GRIN2B: variants seen among roughly 807,000 people sequenced by gnomAD.
GRIN2B encodes glutamate ionotropic receptor NMDA type subunit 2B.
GRIN2B carries 5 observed loss-of-function variants against 114.5 expected under a neutral mutation model. The ratio of observed to expected loss-of-function variants is 0.04; its 90% CI spans 0.02 to 0.09. The LOEUF (loss-of-function observed/expected upper bound fraction) is 0.09, where lower values mean the gene tolerates loss of function less well. Ranked by LOEUF, GRIN2B falls within the 10% of genes least tolerant of loss-of-function variation. GRIN2B has a pLI of 1.00. For missense variants in GRIN2B, 1,108 were observed against 1,943.5 expected, an observed-to-expected ratio of 0.57 and a Z score of 8.08; for synonymous variants, 787 against 745.1, an observed-to-expected ratio of 1.06 and a Z score of -0.92.
At chr12:13,875,292 G>T (rs1409504214) in intron 2 of GRIN2B, among the ~76,000 whole-genome samples, 3 of 152,334 alleles carry the variant, frequency 2.0e-5, no homozygotes, top group East Asian at 3.9e-4. Context: ...ACTGTGAGAG[G>T]CCAAGGTGGG....
chr12:13,917,387 A>C (rs1341198073), intron 2 of GRIN2B, among the ~76,000 whole-genome samples: 1 of 152,276 alleles, frequency 6.6e-6, no homozygotes, highest in South Asian at 2.1e-4. Context: ...CAAAACTTCC[A>C]GTGGGAGCTG....
intron 3 of GRIN2B, among the ~76,000 whole-genome samples, chr12:13,807,836 G>A (rs1864637262): frequency 6.7e-6 from 1 of 149,508 alleles, no homozygotes; most frequent in Non-Finnish European, 1.5e-5. Context: ...CCGTCTCACA[G>A]AGCAGGACTG....
intron 3 of GRIN2B, among the ~76,000 whole-genome samples, chr12:13,863,787 C>T (rs1865784520): frequency 6.6e-6 from 1 of 152,126 alleles, no homozygotes; most frequent in Non-Finnish European, 1.5e-5. Context: ...TTAGGCATAA[C>T]TTTTTCTACC....
chr12:13,864,885 T>C (rs913934560), intron 3 of GRIN2B, among the ~76,000 whole-genome samples: 1 of 152,042 alleles, frequency 6.6e-6, no homozygotes, highest in Admixed American at 6.6e-5. Context: ...TCCCGAGGGG[T>C]GGGACTCAGG....
At chr12:13,568,407 A>AT (rs1163651271) in intron 12 of GRIN2B, among the ~76,000 whole-genome samples, 1 of 152,196 alleles carries the variant, frequency 6.6e-6, no homozygotes, top group African/African-American at 2.4e-5. Flanking sequence ...TTTGCAAATC[A>AT]TCTCTTTCTC....
Position 13,943,976 on chromosome 12 carries a change from G to A in GRIN2B, c.-19+35952C>T, listed in dbSNP as rs115426177. ...ATGGCACATAGTAGACGCTCAATAA[G>A]TATCTACTGAATTAATGAATAAATA... On this transcript the variant is annotated intron_variant, in intron 2 of 13. Coordinates refer to ENST00000609686, the MANE Select transcript of GRIN2B (RefSeq NM_000834.5). Among the ~76,000 whole-genome samples, 1,113 of 152,216 alleles carry A rather than the reference G, an allele frequency of 7.3e-3. 16 individuals are homozygous for A. The highest frequency in any genetic ancestry group is 0.026 in the African/African-American group (1,073 of 41,530).
intron 2 of GRIN2B, among the ~76,000 whole-genome samples, chr12:13,913,640 T>G (rs1866661310): frequency 6.6e-6 from 1 of 152,156 alleles, no homozygotes; most frequent in South Asian, 2.1e-4. Flanking sequence ...GTTGCTGAAT[T>G]GTTGTGTTGT....
chr12:13,620,093 A>G (rs1949496514), intron 5 of GRIN2B, among the ~76,000 whole-genome samples: 1 of 152,256 alleles, frequency 6.6e-6, no homozygotes, highest in African/African-American at 2.4e-5. Context: ...GTTTTCTAAA[A>G]GAATCAGAAG....
rs532787222 is a variant in GRIN2B, at chr12:13,801,266, A to G, written c.412-47351T>C. Among the ~76,000 whole-genome samples, 12 of 152,318 alleles carry G rather than the reference A, an allele frequency of 7.9e-5. No individual in the cohort carries two copies. The East Asian group carries it at 2.3e-3, about 29-fold the overall frequency. On this transcript the variant is annotated intron_variant, in intron 3 of 13. Coordinates refer to ENST00000609686, the MANE Select transcript of GRIN2B (RefSeq NM_000834.5). ...GTTACAAACATACATTGGCTGTGTA[A>G]AACACTCTGCCACATGTTCAGATCA...
intron 5 of GRIN2B, among the ~76,000 whole-genome samples, chr12:13,637,507 C>A (rs143602858): frequency 2.6e-5 from 4 of 152,240 alleles, no homozygotes; most frequent in Non-Finnish European, 5.9e-5. Flanking sequence ...GATATTCCAT[C>A]ACCAGTAAAG....
chr12:13,730,015 T>C (rs1290111195), intron 4 of GRIN2B, among the ~76,000 whole-genome samples: 4 of 150,712 alleles, frequency 2.7e-5, no homozygotes, highest in Non-Finnish European at 5.9e-5. Flanking sequence ...TCAGGATGAT[T>C]CCCCATTCCA....
chr12:13,934,412 G>T (rs1325564676), intron 2 of GRIN2B, among the ~76,000 whole-genome samples: 1 of 152,152 alleles, frequency 6.6e-6, no homozygotes, highest in Non-Finnish European at 1.5e-5. Flanking sequence ...TTCGTTAATG[G>T]TGGGATGTGA....
intron 2 of GRIN2B, among the ~76,000 whole-genome samples, chr12:13,953,375 A>G (rs1336363975): frequency 6.6e-6 from 1 of 152,216 alleles, no homozygotes; most frequent in East Asian, 1.9e-4. Context: ...TGACCAGGTC[A>G]CATTGCAGAG....
rs968090857 is a variant in GRIN2B, at chr12:13,791,050, C to T, written c.412-37135G>A. Among the ~76,000 whole-genome samples, 6 of 152,098 alleles carry T rather than the reference C, an allele frequency of 3.9e-5. No individual in the cohort carries two copies. The South Asian group carries it at 1.2e-3, about 32-fold the overall frequency. ...AAAGGAGAAGGTGGCTTGGGGCAGC[C>T]CTCAGGGTGGCCTTCACCTAATTCA... On this transcript the variant is annotated intron_variant, in intron 3 of 13. Transcript: ENST00000609686.
At chr12:13,609,954 C>G (rs1292010015) in intron 9 of GRIN2B, 1 of 152,206 alleles carries the variant, frequency 6.6e-6, no homozygotes, top group Non-Finnish European at 1.5e-5. Flanking sequence ...ACTGCAATCT[C>G]TATTTGCTGA....
intron 2 of GRIN2B, among the ~76,000 whole-genome samples, chr12:13,965,557 C>CCCCACACA (rs1688773441): frequency 6.7e-6 from 1 of 150,176 alleles, no homozygotes; most frequent in Non-Finnish European, 1.5e-5. Flanking sequence ...AGATTACACA[C>CCCCACACA]CACACACACA....
chr12:13,643,482 C>A (rs1949738199), intron 5 of GRIN2B, among the ~76,000 whole-genome samples: 1 of 152,142 alleles, frequency 6.6e-6, no homozygotes. Flanking sequence ...GGAGGAGGAT[C>A]TCGCCTCCAC....
intron 10 of GRIN2B, among the ~76,000 whole-genome samples, chr12:13,595,998 TTG>T (rs1276349371): frequency 2.6e-5 from 4 of 151,914 alleles, no homozygotes; most frequent in African/African-American, 7.3e-5. Context: ...GTTAATAACC[TTG>T]TGTGTTCAAG....
At chr12:13,827,813 C>T (rs1483222449) in intron 3 of GRIN2B, among the ~76,000 whole-genome samples, 1 of 152,134 alleles carries the variant, frequency 6.6e-6, no homozygotes, top group Non-Finnish European at 1.5e-5. Flanking sequence ...TCCCAAGTAG[C>T]TGGAACTACA....
Sources: allele counts gnomAD v4.1 joint callset (sites outside exome capture counted in the v4.1 genomes callset), GRCh38; gene constraint gnomAD v4.1.1; transcripts MANE v1.5; gene names NCBI Gene and HGNC (gene_info 2026-07-23, HGNC 2026-07-21).